Variants in ANAPC1 observed in about 807,000 individuals in gnomAD.
The protein encoded by ANAPC1 is anaphase promoting complex subunit 1.
ANAPC1 carries 36 observed loss-of-function variants against 208.0 expected under a neutral mutation model. The ratio of observed to expected loss-of-function variants is 0.17; its 90% CI spans 0.13 to 0.23. The LOEUF (loss-of-function observed/expected upper bound fraction) is 0.23, where lower values mean the gene tolerates loss of function less well. ANAPC1 is among the 10% of genes least tolerant of loss of function. The pLI is 1.00. For missense variants in ANAPC1, 942 were observed against 2,011.6 expected, an observed-to-expected ratio of 0.47 and a Z score of 10.17; for synonymous variants, 378 against 695.2, an observed-to-expected ratio of 0.54 and a Z score of 7.18.
intron 1 of ANAPC1, among the ~76,000 whole-genome samples, chr2:111,883,638 G>A (rs1452234075): frequency 6.6e-6 from 1 of 152,084 alleles, no homozygotes; most frequent in Non-Finnish European, 1.5e-5. Flanking sequence ...CTGAGAGCCC[G>A]AGGCTCAGAA....
At chr2:111,876,152 G>A (rs961673785) in intron 3 of ANAPC1, among the ~76,000 whole-genome samples, 1 of 152,032 alleles carries the variant, frequency 6.6e-6, no homozygotes, top group Non-Finnish European at 1.5e-5. Context: ...CACTTTAGGA[G>A]GCCAAGCCAG....
chr2:111,873,202 A>T, intron 5 of ANAPC1, 106 bp downstream of exon 5: 2 of 1,112,866 alleles, frequency 1.8e-6, no homozygotes, highest in South Asian at 4.7e-5. Context: ...TAAAAATAAC[A>T]TTTTTGACTA....
At chr2:111,782,301 T>C (rs1315072506) in intron 43 of ANAPC1, 68 bp downstream of exon 43, 167 of 1,599,418 alleles carry the variant, frequency 1.0e-4, no homozygotes, top group Non-Finnish European at 1.7e-5. Context: ...TTGAAGTTTA[T>C]AGCAATGGGC....
chr2:111,801,698 G>A (rs1449666211), intron 33 of ANAPC1, among the ~76,000 whole-genome samples: 6 of 151,260 alleles, frequency 4.0e-5, no homozygotes, highest in African/African-American at 7.3e-5. Context: ...GTTGGGAACC[G>A]TCTTACTCAT....
chr2:111,802,251 G>A (rs1289241289), intron 33 of ANAPC1, among the ~76,000 whole-genome samples, 177 bp downstream of exon 33: 1 of 152,220 alleles, frequency 6.6e-6, no homozygotes. Flanking sequence ...ATTCATTCAT[G>A]GAGAACAGCC....
intron 24 of ANAPC1, 150 bp downstream of exon 24, chr2:111,824,816 C>T (rs759615035): frequency 7.3e-6 from 6 of 821,696 alleles, no homozygotes; most frequent in South Asian, 4.5e-5. Context: ...GTGAGATTGT[C>T]GAGAAAAAAA....
intron 11 of ANAPC1, among the ~76,000 whole-genome samples, chr2:111,857,803 C>A (rs562710211): frequency 6.6e-6 from 1 of 152,068 alleles, no homozygotes; most frequent in South Asian, 2.1e-4. Context: ...ACCAAAAGTC[C>A]GTCAGCTGAT....
At chr2:111,828,106 C>G (rs1199060299) in intron 21 of ANAPC1, among the ~76,000 whole-genome samples, 5 of 151,986 alleles carry the variant, frequency 3.3e-5, no homozygotes, top group Non-Finnish European at 7.4e-5. Flanking sequence ...ATCCAATTTT[C>G]AAATACACAA....
intron 19 of ANAPC1, 142 bp from the exon 20 acceptor site, chr2:111,833,453 T>C (rs1259806480): frequency 7.5e-7 from 1 of 1,327,822 alleles, no homozygotes; most frequent in Admixed American, 3.0e-5. Context: ...TCTATTGTAT[T>C]TTTGGACTTT....
intron 43 of ANAPC1, among the ~76,000 whole-genome samples, chr2:111,781,554 G>A (rs1414276385): frequency 6.6e-6 from 1 of 152,288 alleles, no homozygotes; most frequent in African/African-American, 2.4e-5. Context: ...GAAGAACAAA[G>A]GATGCTAACT....
At chr2:111,826,730 G>A (rs4848786) in intron 21 of ANAPC1, among the ~76,000 whole-genome samples, 53,807 of 149,852 alleles carry the variant, frequency 0.36, 10,361 homozygotes, top group South Asian at 0.48. Context: ...GCACAATCTC[G>A]GCTCACTGCA....
At chr2:111,832,564 T>C (rs1449512316) in intron 20 of ANAPC1, among the ~76,000 whole-genome samples, 2 of 152,096 alleles carry the variant, frequency 1.3e-5, no homozygotes, top group Non-Finnish European at 2.9e-5. Context: ...TGAGGAAATA[T>C]GTTTTATTTT....
At chr2:111,862,845 ATCT>A (rs1472625061) in intron 9 of ANAPC1, among the ~76,000 whole-genome samples, 2 of 152,158 alleles carry the variant, frequency 1.3e-5, no homozygotes, top group African/African-American at 2.4e-5. Context: ...AACTTAGATC[ATCT>A]TCTTTTTCGG....
intron 46 of ANAPC1, among the ~76,000 whole-genome samples, chr2:111,775,761 G>A (rs1351645921): frequency 6.6e-6 from 1 of 152,096 alleles, no homozygotes; most frequent in Non-Finnish European, 1.5e-5. Context: ...ATTATCAATA[G>A]CAAAGGTCTG....
rs576885315 is a variant in ANAPC1 at position 111,802,900 on chromosome 2, G to A, written c.4143-394C>T. 215 of 235,718 alleles carry A rather than the reference G, an allele frequency of 9.1e-4. 14 individuals carry two copies. Among genetic ancestry groups the A allele is most frequent in the Middle Eastern group, 1.5e-3 (1 of 660 alleles). 14.6% of individuals were successfully genotyped at this position (235,718 alleles called of 1,614,324 possible). ...TCTTAGAATTTGTTTTTAATTAATAGACTAAAGACATGGCATAACGTCTTG... is the reference window on the plus strand; with the variant it reads ...TCTTAGAATTTGTTTTTAATTAATAAACTAAAGACATGGCATAACGTCTTG... On this transcript the variant is annotated intron_variant, in intron 32 of 47. Transcript: ENST00000341068.
At chr2:111,868,691 C>A (rs768730796) in intron 6 of ANAPC1, among the ~76,000 whole-genome samples, 1 of 151,930 alleles carries the variant, frequency 6.6e-6, no homozygotes, top group Non-Finnish European at 1.5e-5. Context: ...CCACCACGCC[C>A]AGCTAGTTTT....
intron 20 of ANAPC1, 33 bp from the exon 21 acceptor site, chr2:111,831,467 G>A (rs530878613): frequency 1.4e-4 from 199 of 1,473,928 alleles, no homozygotes; most frequent in South Asian, 1.0e-3. Flanking sequence ...AAAAAGACAC[G>A]AAAATACATT....
intron 34 of ANAPC1, among the ~76,000 whole-genome samples, chr2:111,799,358 C>T (rs1678328636): frequency 6.6e-6 from 1 of 152,182 alleles, no homozygotes; most frequent in African/African-American, 2.4e-5. Context: ...GTCAATGTGT[C>T]AAATGGTACA....
intron 16 of ANAPC1, among the ~76,000 whole-genome samples, chr2:111,846,077 C>T (rs1252361099): frequency 2.0e-5 from 3 of 151,868 alleles, no homozygotes; most frequent in Non-Finnish European, 2.9e-5. Flanking sequence ...ATGAAAAAGT[C>T]ATTCTTGTCT....
Sources: allele counts gnomAD v4.1 joint callset (sites outside exome capture counted in the v4.1 genomes callset), GRCh38; gene constraint gnomAD v4.1.1; transcripts MANE v1.5; gene names NCBI Gene and HGNC (gene_info 2026-07-23, HGNC 2026-07-21).